The following AVL9 variants were observed in gnomAD, a reference collection of about 807,000 sequenced individuals.
The protein encoded by AVL9 is late secretory pathway protein AVL9 homolog.
Under a neutral mutation model 79.2 loss-of-function variants are expected in AVL9, and 49 were observed. The observed-to-expected ratio is 0.62, with a 90% CI of 0.49 to 0.79. The LOEUF is 0.79. AVL9 is among the 30% of genes least tolerant of loss of function. The probability of loss-of-function intolerance (pLI) is 0.00; values close to 1 mark genes in which losing one functional copy is unlikely to be tolerated. For missense variants in AVL9, 682 were observed against 776.8 expected (o/e 0.88, Z 1.45); for synonymous variants, 299 against 280.6 (o/e 1.07, Z -0.65).
intron 13 of AVL9, among the ~76,000 whole-genome samples, chr7:32,578,014 G>T (rs747100394): frequency 2.6e-5 from 4 of 152,262 alleles, no homozygotes; most frequent in Non-Finnish European, 5.9e-5. Context: ...ACCCAAGCTC[G>T]TGTACCCAAC....
chr7:32,510,776 G>GT (rs1787634282), intron 1 of AVL9, among the ~76,000 whole-genome samples: 1 of 106,482 alleles, frequency 9.4e-6, no homozygotes, highest in Non-Finnish European at 2.1e-5. Context: ...GTCAGGTCTG[G>GT]GTGTAGGAGT....
At chr7:32,512,178 G>A (rs903802424) in intron 1 of AVL9, among the ~76,000 whole-genome samples, 2 of 152,276 alleles carry the variant, frequency 1.3e-5, no homozygotes, top group East Asian at 3.9e-4. Flanking sequence ...TGTAATTATT[G>A]GTCCTTGTTC....
intron 13 of AVL9, among the ~76,000 whole-genome samples, chr7:32,577,492 G>T (rs1026199834): frequency 1.3e-5 from 2 of 152,182 alleles, no homozygotes; most frequent in African/African-American, 2.4e-5. Flanking sequence ...TATTCTCAGC[G>T]TGCTGAAGGG....
At position 32,495,648 on chromosome 7, in the gene AVL9, G is replaced by T; in HGVS notation, c.-62G>T. 8.9e-7 allele frequency: 1 copy of T among 1,125,574 alleles called. No homozygotes were observed. The highest frequency in any genetic ancestry group is 4.2e-5 in the South Asian group (1 of 23,882). 69.7% of individuals were successfully genotyped at this position (1,125,574 alleles called of 1,614,324 possible). Reference sequence around the variant, plus strand: ...AGTCCGCGGCTTTCCGCACACGGTGGGGTCGTCAGACCCGCTGCCCTTGGC... The same window carrying T: ...AGTCCGCGGCTTTCCGCACACGGTGTGGTCGTCAGACCCGCTGCCCTTGGC... On this transcript the variant is annotated 5_prime_UTR_variant, in exon 1 of 16. Coordinates refer to ENST00000318709, the MANE Select transcript of AVL9 (RefSeq NM_015060.3).
At chr7:32,500,321 G>A (rs553171523) in intron 1 of AVL9, among the ~76,000 whole-genome samples, 20 of 152,260 alleles carry the variant, frequency 1.3e-4, no homozygotes, top group African/African-American at 4.1e-4. Context: ...GTTTTGATTT[G>A]CATTTCTCTA....
intron 10 of AVL9, among the ~76,000 whole-genome samples, chr7:32,562,163 G>A (rs960712327): frequency 3.3e-5 from 5 of 152,156 alleles, no homozygotes; most frequent in African/African-American, 1.2e-4. Flanking sequence ...TGGGAAAATG[G>A]CACTGACAGA....
chr7:32,543,236 A>G lies in AVL9; in HGVS notation c.189A>G (p.Pro63=). The change falls in exon 2 of 16, where the codon CCA becomes CCG. Residue 63 remains proline (P), a synonymous_variant. Transcript: ENST00000318709. ...EWKYLPFLAL[P]DGAHNYQEDT... is the part of the protein sequence containing the mutation. ...AGTATTTGCCCTTCCTTGCCTTACC[A>G]GATGGCGCACACAACTACCAGGAAG... 1 of 1,614,212 alleles carries G rather than the reference A, an allele frequency of 6.2e-7. No homozygotes were observed.
rs1583564482 is a variant in AVL9 at position 32,552,272 on chromosome 7, T to C, written c.506T>C (p.Leu169Ser). 1 of 1,603,172 alleles carries C rather than the reference T, an allele frequency of 6.2e-7. No individual in the cohort carries two copies. Among genetic ancestry groups the C allele is most frequent in the South Asian group, 1.1e-5 (1 of 90,682 alleles). Residue 169 changes from leucine (L) to serine (S), a missense_variant, in exon 6 of 16, where the codon TTA (leucine) becomes TCA (serine). Leu to Ser is a moderately radical substitution (Grantham distance 145). Transcript: ENST00000318709. Reference sequence around the variant, plus strand: ...AATAGTTCCTTGGGAGGTGCTTCATTAGAAGGATCCCAAGTATATCTTGGT... The same window carrying C: ...AATAGTTCCTTGGGAGGTGCTTCATCAGAAGGATCCCAAGTATATCTTGGT... ...HMNSSLGGAS[L>S]EGSQVYLGLS...
intron 11 of AVL9, among the ~76,000 whole-genome samples, chr7:32,570,768 C>T (rs1357686392): frequency 2.6e-5 from 4 of 151,006 alleles, no homozygotes; most frequent in African/African-American, 7.3e-5. Flanking sequence ...TACAAGTGCC[C>T]GCCACCACGC....
chr7:32,538,786 A>G (rs1368671679), intron 1 of AVL9: 1 of 152,190 alleles, frequency 6.6e-6, no homozygotes, highest in Non-Finnish European at 1.5e-5. Context: ...TTTGTCCAAG[A>G]CCCCAAGAGC....
At chr7:32,578,818 G>A (rs67444297) in intron 13 of AVL9, among the ~76,000 whole-genome samples, 44,741 of 151,950 alleles carry the variant, frequency 0.29, 7,287 homozygotes, top group African/African-American at 0.44. Flanking sequence ...AAAATAAAAT[G>A]AATGCTAGAC....
chr7:32,553,677 C>T lies in AVL9; in HGVS notation c.530-50C>T, dbSNP rs775744200. The T allele has an allele frequency of 2.8e-6, 4 of 1,438,190 alleles. No individual in the cohort carries two copies. The East Asian group carries it at 6.9e-5, about 25-fold the overall frequency. The allele number at this position is 1,438,190 out of a possible 1,614,324, so 89.1% of individuals were successfully genotyped here. A position where few individuals can be genotyped will look rare whatever the true frequency, so the allele number is the denominator to read the frequency against. On this transcript the variant is annotated intron_variant, in intron 6 of 15. Transcript: ENST00000318709. ...TAAGGGGGAAATAACCTTTCTGCAG[C>T]AAAAACATTACATTGTAGTCACACT... is the stretch of plus-strand genomic sequence containing the variant.
intron 12 of AVL9, among the ~76,000 whole-genome samples, chr7:32,574,057 G>C (rs1316070328): frequency 6.6e-6 from 1 of 152,114 alleles, no homozygotes; most frequent in Non-Finnish European, 1.5e-5. Context: ...ACATTTGGCA[G>C]ATATTTATTA....
At chr7:32,579,007 ATG>A (rs1791225179) in intron 13 of AVL9, among the ~76,000 whole-genome samples, 1 of 151,916 alleles carries the variant, frequency 6.6e-6, no homozygotes, top group Non-Finnish European at 1.5e-5. Context: ...TGATCAAGTG[ATG>A]TGTCCGTATT....
At position 32,559,446 on chromosome 7, in the gene AVL9, C is replaced by T. The variant is rs1262864870; in HGVS notation, c.1197C>T (p.Pro399=). ...SGLEEDQYGM[P]LAIFTKGYLC... ...TGGAAGAGGATCAGTATGGCATGCC[C>T]CTGGCCATCTTCACAAAGGTAAAGT... The change falls in exon 10 of 16, where the codon CCC becomes CCT. Residue 399 remains proline, a synonymous_variant. Transcript: ENST00000318709. The T allele has an allele frequency of 6.5e-7, 1 of 1,547,746 alleles. No homozygotes were observed. Among genetic ancestry groups the T allele is most frequent in the Non-Finnish European group, 8.7e-7 (1 of 1,150,202 alleles).
rs1562803035 is a variant in AVL9 at position 32,580,207 on chromosome 7, C to T, written c.1689-12C>T. On this transcript the variant is annotated splice_polypyrimidine_tract_variant and intron_variant, in intron 13 of 15. Coordinates refer to ENST00000318709, the MANE Select transcript of AVL9 (RefSeq NM_015060.3). ...AAAATACTGATAGTTTAAACTCAAA[C>T]TTTTTTTACAGCCATCCATTTCAAG... 1.9e-6 allele frequency: 3 copies of T among 1,607,746 alleles called. No individual in the cohort carries two copies. The highest frequency in any genetic ancestry group is 3.4e-5 in the Admixed American group (2 of 58,970).
chr7:32,566,839 C>T (rs1157096536), intron 10 of AVL9, among the ~76,000 whole-genome samples: 1 of 152,126 alleles, frequency 6.6e-6, no homozygotes, highest in African/African-American at 2.4e-5. Context: ...ACCGAGATCG[C>T]GCCACTGCAC....
At chr7:32,567,463 G>A (rs968679567) in intron 10 of AVL9, among the ~76,000 whole-genome samples, 2 of 152,086 alleles carry the variant, frequency 1.3e-5, no homozygotes, top group Admixed American at 6.6e-5. Flanking sequence ...AATATGTAAT[G>A]TTTCCACTTA....
intron 10 of AVL9, 127 bp downstream of exon 10, chr7:32,559,591 C>CG: frequency 1.3e-6 from 1 of 757,048 alleles, no homozygotes; most frequent in Non-Finnish European, 1.9e-6. Context: ...CTGTAAAGTA[C>CG]AACCAAATAC....
Sources: allele counts gnomAD v4.1 joint callset (sites outside exome capture counted in the v4.1 genomes callset), GRCh38; gene constraint gnomAD v4.1.1; transcripts MANE v1.5; gene names NCBI Gene and HGNC (gene_info 2026-07-23, HGNC 2026-07-21).